The following LYAR variants were observed in gnomAD, a reference collection of about 807,000 sequenced individuals.
LYAR encodes Ly1 antibody reactive, also known as cell growth-regulating nucleolar protein.
LYAR carries 37 observed loss-of-function variants against 45.2 expected under a neutral mutation model. The ratio of observed to expected loss-of-function variants is 0.82; its 90% CI spans 0.63 to 1.08. The LOEUF is 1.08. Ranked by LOEUF, LYAR falls within the 50% of genes least tolerant of loss-of-function variation. The pLI is 0.00. For missense variants in LYAR, 493 were observed against 451.0 expected (o/e 1.09, Z -0.84); for synonymous variants, 176 against 155.1 (o/e 1.14, Z -1.00).
chr4:4,274,445 T>C lies in LYAR; in HGVS notation c.754A>G (p.Lys252Glu). 6.2e-7 allele frequency: 1 copy of C among 1,614,048 alleles called. No homozygotes were observed. ...NGSAGKRSKK[K>E]KQRKDSASEE... ...CTGGCGCTGTCCTTGCGCTGCTTCT[T>C]CTTCTTGCTCCTCTTCCCTGCAGAG... Residue 252 changes from lysine to glutamate, a missense_variant, in exon 7 of 10, where the codon AAG (lysine) becomes GAG (glutamate). Lys to Glu is a moderately conservative substitution (Grantham distance 56). Transcript: ENST00000343470.
intron 2 of LYAR, among the ~76,000 whole-genome samples, chr4:4,284,552 T>C (rs1719531651): frequency 6.6e-6 from 1 of 152,184 alleles, no homozygotes. Flanking sequence ...TGCTGGGTGC[T>C]GAATTACTGG....
rs911175571 is a variant in LYAR, at chr4:4,280,245, A to C, written c.238-496T>G. 5.9e-5 allele frequency among the ~76,000 whole-genome samples: 9 copies of C among 152,210 alleles called. 1 individual carries two copies. Among genetic ancestry groups the C allele is most frequent in the Admixed American group, 5.9e-4 (9 of 15,276 alleles). On this transcript the variant is annotated intron_variant, in intron 4 of 9. Coordinates refer to ENST00000343470, the MANE Select transcript of LYAR (RefSeq NM_017816.3). ...AGACTTGTTTACTGAAAACCAAAAAACACTGCTGAAAGAAATTAAAGTAGA... is the reference window on the plus strand; with the variant it reads ...AGACTTGTTTACTGAAAACCAAAAACCACTGCTGAAAGAAATTAAAGTAGA...
At position 4,279,463 on chromosome 4, in the gene LYAR, G is replaced by A. The variant is rs1719310391; in HGVS notation, c.413C>T (p.Ser138Phe). 6.2e-7 allele frequency: 1 copy of A among 1,611,290 alleles called. No homozygotes were observed. The highest frequency in any genetic ancestry group is 8.5e-7 in the Non-Finnish European group (1 of 1,177,786). ...SILDQVWNIFSEASNSEPVNK... is the reference protein window; with the variant it reads ...SILDQVWNIFFEASNSEPVNK... ...CTGACTTACGCTGTTGGAAGCTTCAGAAAAGATATTCCACACCTGGTCCAG... is the reference window on the plus strand; with the variant it reads ...CTGACTTACGCTGTTGGAAGCTTCAAAAAAGATATTCCACACCTGGTCCAG... The change falls in exon 6 of 10, where the codon TCT becomes TTT. Residue 138 changes from serine (S) to phenylalanine (F), a missense_variant. Transcript: ENST00000343470.
At position 4,279,529 on chromosome 4, in the gene LYAR, T is replaced by C. The variant is rs376795847; in HGVS notation, c.347A>G (p.Asn116Ser). ...AACTTTTAAACTGTTCTTCATCCAA[T>C]TCTGTAAGAAAGAAAAAGAAAAAGA... ...NVPRKKAKFQ[N>S]WMKNSLKVHN... is the part of the protein sequence containing the mutation. Residue 116 changes from asparagine to serine, a missense_variant and splice_region_variant, in exon 6 of 10, where the codon AAT becomes AGT. Physicochemically the swap from Asn to Ser is conservative, Grantham distance 46. Coordinates refer to ENST00000343470, the MANE Select transcript of LYAR (RefSeq NM_017816.3). 5.0e-6 allele frequency: 8 copies of C among 1,607,488 alleles called. No homozygotes were observed. The African/African-American group carries it at 1.1e-4, about 22-fold the overall frequency.
intron 8 of LYAR, among the ~76,000 whole-genome samples, chr4:4,269,223 C>G (rs1560229521): frequency 6.6e-6 from 1 of 152,178 alleles, no homozygotes. Context: ...AGTTGAAGAA[C>G]CCAGCAACCT....
chr4:4,279,838 T>A, intron 4 of LYAR, 89 bp from the exon 5 acceptor site: 1 of 809,974 alleles, frequency 1.2e-6, no homozygotes, highest in Non-Finnish European at 2.0e-6. Flanking sequence ...TTGCCATGGC[T>A]AAAGCGTTCA....
Position 4,279,437 on chromosome 4 carries a change from T to C in LYAR, c.429+10A>G, listed in dbSNP as rs191622911. On this transcript the variant is annotated intron_variant, in intron 6 of 9. Transcript: ENST00000343470. ...GCCACAATGCAAATCTAAAATCAGATCTGACTTACGCTGTTGGAAGCTTCA... is the reference window on the plus strand; with the variant it reads ...GCCACAATGCAAATCTAAAATCAGACCTGACTTACGCTGTTGGAAGCTTCA... The C allele has an allele frequency of 3.8e-6, 6 of 1,574,556 alleles. No individual in the cohort carries two copies. Among genetic ancestry groups the C allele is most frequent in the Middle Eastern group, 1.7e-4 (1 of 5,748 alleles).
At chr4:4,274,006 G>C (rs1040993450) in intron 7 of LYAR, among the ~76,000 whole-genome samples, 2 of 152,164 alleles carry the variant, frequency 1.3e-5, no homozygotes, top group African/African-American at 2.4e-5. Flanking sequence ...GGAGGCCGAG[G>C]GGGGCGGATC....
At chr4:4,286,164 T>C (rs886387241) in intron 2 of LYAR, among the ~76,000 whole-genome samples, 2 of 152,266 alleles carry the variant, frequency 1.3e-5, no homozygotes, top group East Asian at 1.9e-4. Context: ...CTGTGTCCAC[T>C]TGCTTGGCTA....
intron 7 of LYAR, 103 bp from the exon 8 acceptor site, chr4:4,273,772 C>G: frequency 1.5e-6 from 1 of 650,550 alleles, no homozygotes; most frequent in Non-Finnish European, 2.7e-6. Context: ...CACGTATCAT[C>G]TCATTTCTTC....
At chr4:4,278,450 A>G (rs1462690243) in intron 6 of LYAR, among the ~76,000 whole-genome samples, 1 of 152,226 alleles carries the variant, frequency 6.6e-6, no homozygotes, top group Middle Eastern at 3.2e-3. Context: ...CTATTCAACC[A>G]TTTTGACTAA....
At chr4:4,283,037 G>C (rs572977723) in intron 3 of LYAR, among the ~76,000 whole-genome samples, 1 of 152,186 alleles carries the variant, frequency 6.6e-6, no homozygotes, top group East Asian at 1.9e-4. Context: ...GTAAACAGTG[G>C]CAATGCAATA....
intron 8 of LYAR, among the ~76,000 whole-genome samples, chr4:4,270,139 GC>G (rs1718874177): frequency 6.6e-6 from 1 of 151,904 alleles, no homozygotes; most frequent in Non-Finnish European, 1.5e-5. Context: ...GGAAGTTGAG[GC>G]TGCAGTGAGT....
chr4:4,272,776 A>G (rs1168674339), intron 8 of LYAR, among the ~76,000 whole-genome samples: 1 of 152,228 alleles, frequency 6.6e-6, no homozygotes, highest in Non-Finnish European at 1.5e-5. Flanking sequence ...TTTTAAGCTT[A>G]GAGATCTAAC....
chr4:4,282,635 G>A (rs960129507), intron 3 of LYAR, among the ~76,000 whole-genome samples: 8 of 152,160 alleles, frequency 5.3e-5, no homozygotes, highest in African/African-American at 1.2e-4. Flanking sequence ...CCAGCTTCTC[G>A]CCTGGACCTT....
At chr4:4,287,336 T>A (rs1314019706) in intron 1 of LYAR, among the ~76,000 whole-genome samples, 1 of 152,204 alleles carries the variant, frequency 6.6e-6, no homozygotes, top group Non-Finnish European at 1.5e-5. Flanking sequence ...CGGCAGACAT[T>A]TCCTGAATGC....
At chr4:4,274,289 T>C (rs1372778086) in intron 7 of LYAR, 78 bp downstream of exon 7, 2 of 1,481,226 alleles carry the variant, frequency 1.4e-6, no homozygotes, top group Non-Finnish European at 1.8e-6. Context: ...AAACGCTAGG[T>C]CTAACAGGCT....
At chr4:4,275,915 T>C (rs995941196) in intron 6 of LYAR, among the ~76,000 whole-genome samples, 3 of 152,170 alleles carry the variant, frequency 2.0e-5, no homozygotes, top group African/African-American at 7.2e-5. Flanking sequence ...AGGCTGATCT[T>C]GAACTCCCAA....
Position 4,279,528 on chromosome 4 carries a change from A to G in LYAR, c.348T>C (p.Asn116=). The G allele has an allele frequency of 6.2e-7, 1 of 1,607,188 alleles. No homozygotes were observed. Among genetic ancestry groups the G allele is most frequent in the Non-Finnish European group, 8.5e-7 (1 of 1,173,892 alleles). Residue 116 remains asparagine, a splice_region_variant and synonymous_variant, in exon 6 of 10, where the codon AAT becomes AAC. Transcript: ENST00000343470. The part of the protein sequence containing the change: ...NVPRKKAKFQ[N]WMKNSLKVHN... ...GAACTTTTAAACTGTTCTTCATCCA[A>G]TTCTGTAAGAAAGAAAAAGAAAAAG...
Sources: gnomAD v4.1 joint callset for allele counts (sites outside exome capture counted in the v4.1 genomes callset) on GRCh38, gnomAD v4.1.1 for gene constraint, MANE v1.5 for transcripts, NCBI Gene and HGNC (gene_info 2026-07-23, HGNC 2026-07-21) for gene names.